The following NELL1 variants were observed in gnomAD, a reference collection of about 807,000 sequenced individuals.
The protein encoded by NELL1 is neural EGFL like 1, also known as protein kinase C-binding protein NELL1.
NELL1 carries 76 observed loss-of-function variants against 107.4 expected under a neutral mutation model. That is an observed-to-expected ratio of 0.71 (90% CI 0.59 to 0.86). NELL1 has a LOEUF of 0.86. NELL1 is among the 40% of genes least tolerant of loss of function. NELL1 has a pLI of 0.00. For synonymous variants in NELL1, 353 were observed against 341.2 expected (o/e 1.03, Z -0.38); for missense variants, 1,024 against 1,005.5 (o/e 1.02, Z -0.25).
intron 15 of NELL1, among the ~76,000 whole-genome samples, chr11:21,435,395 TTTG>T (rs999167767): frequency 5.0e-5 from 7 of 140,528 alleles, no homozygotes; most frequent in Middle Eastern, 3.3e-3. Context: ...TGTTTGTTTG[TTTG>T]TTTTTTACCA....
intron 15 of NELL1, among the ~76,000 whole-genome samples, chr11:21,466,513 C>T (rs1427021304): frequency 1.3e-5 from 2 of 152,134 alleles, no homozygotes; most frequent in African/African-American, 4.8e-5. Context: ...CAGGTATTTC[C>T]ATTGTGCTCA....
chr11:21,161,944 C>CTTTTTTTTTTTTTTTT (rs34422649), intron 13 of NELL1, among the ~76,000 whole-genome samples: 1 of 83,062 alleles, frequency 1.2e-5, no homozygotes, highest in African/African-American at 4.8e-5. Flanking sequence ...GGAACATAAT[C>CTTTTTTTTTTTTTTTT]TTTTTTTTTT....
chr11:21,224,312 G>T (rs965379830), intron 13 of NELL1, among the ~76,000 whole-genome samples: 20 of 151,912 alleles, frequency 1.3e-4, no homozygotes, highest in African/African-American at 4.6e-4. Context: ...GCATGAACAT[G>T]GTTCCCTGCA....
intron 12 of NELL1, among the ~76,000 whole-genome samples, chr11:21,103,212 C>A (rs1854864379): frequency 6.6e-6 from 1 of 152,094 alleles, no homozygotes; most frequent in Non-Finnish European, 1.5e-5. Flanking sequence ...TAATTTGATC[C>A]TGTAGTGAAT....
At chr11:21,391,592 A>G (rs1349827417) in intron 15 of NELL1, among the ~76,000 whole-genome samples, 5 of 151,428 alleles carry the variant, frequency 3.3e-5, no homozygotes, top group Admixed American at 6.6e-5. Flanking sequence ...TTTCATCAAC[A>G]TTATCTTCCA....
intron 13 of NELL1, among the ~76,000 whole-genome samples, chr11:21,160,671 T>C (rs559426545): frequency 1.3e-5 from 2 of 152,210 alleles, no homozygotes; most frequent in Non-Finnish European, 2.9e-5. Context: ...AAATAATTTA[T>C]TTTTGAATAT....
chr11:21,370,808 C>T (rs760812100), intron 14 of NELL1, 45 bp from the exon 15 acceptor site: 19 of 1,473,176 alleles, frequency 1.3e-5, no homozygotes, highest in Non-Finnish European at 1.8e-5. Context: ...GTGAATTTAT[C>T]TATTGCATTT....
At chr11:21,396,448 A>C (rs80229152) in intron 15 of NELL1, among the ~76,000 whole-genome samples, 5,391 of 151,738 alleles carry the variant, frequency 0.036, 309 homozygotes, top group African/African-American at 0.12. Context: ...GCAAGACAGA[A>C]GATTGATAAA....
chr11:21,339,920 A>G (rs1403040625), intron 14 of NELL1, among the ~76,000 whole-genome samples: 5 of 152,190 alleles, frequency 3.3e-5, no homozygotes, highest in African/African-American at 7.2e-5. Context: ...GTTGCAGGGC[A>G]GTAAATGCTC....
chr11:20,748,907 GCCAC>G (rs1856067293), intron 2 of NELL1, among the ~76,000 whole-genome samples: 2 of 44,892 alleles, frequency 4.5e-5, no homozygotes, highest in East Asian at 6.1e-4. Flanking sequence ...CATCCACCCA[GCCAC>G]CCATCCATCC....
chr11:21,476,791 A>G (rs7932253), intron 15 of NELL1, among the ~76,000 whole-genome samples: 128,800 of 152,072 alleles, frequency 0.85, 54,748 homozygotes, highest in East Asian at 0.98. Context: ...GAATGTACTT[A>G]GGGAAGGGAG....
At chr11:21,532,558 T>C (rs1856015887) in intron 15 of NELL1, among the ~76,000 whole-genome samples, 1 of 152,192 alleles carries the variant, frequency 6.6e-6, no homozygotes, top group South Asian at 2.1e-4. Context: ...ATGCTTCTAT[T>C]TGTGTATCTC....
intron 12 of NELL1, among the ~76,000 whole-genome samples, chr11:21,033,085 T>G (rs2134319909): frequency 2.0e-5 from 3 of 152,334 alleles, no homozygotes; most frequent in Admixed American, 2.0e-4. Flanking sequence ...TCTGCTAATG[T>G]GGACCTTGAT....
At chr11:21,317,202 A>G (rs190046413) in intron 14 of NELL1, among the ~76,000 whole-genome samples, 215 of 152,084 alleles carry the variant, frequency 1.4e-3, no homozygotes, top group African/African-American at 4.9e-3. Flanking sequence ...CTTCGTAAAC[A>G]TAATTGTAGT....
chr11:20,831,704 A>C (rs1361785169), intron 3 of NELL1, among the ~76,000 whole-genome samples: 1 of 152,138 alleles, frequency 6.6e-6, no homozygotes. Flanking sequence ...TAGGTGTTTC[A>C]AGTTTGCCCA....
chr11:20,831,870 A>G (rs1489178043), intron 3 of NELL1, among the ~76,000 whole-genome samples: 5 of 152,250 alleles, frequency 3.3e-5, no homozygotes, highest in African/African-American at 4.8e-5. Context: ...ATTTGGTTTC[A>G]GATAGAGCTG....
chr11:21,461,007 G>GTCAT (rs1853887845), intron 15 of NELL1, among the ~76,000 whole-genome samples: 1 of 152,032 alleles, frequency 6.6e-6, no homozygotes, highest in African/African-American at 2.4e-5. Flanking sequence ...ATTTACTAGA[G>GTCAT]TCATTGGTAA....
intron 14 of NELL1, among the ~76,000 whole-genome samples, chr11:21,271,481 A>G (rs114978253): frequency 0.016 from 2,447 of 152,290 alleles, 80 homozygotes; most frequent in African/African-American, 0.056. Context: ...TGAACCAATA[A>G]TTAATAACAG....
chr11:20,976,030 A>G (rs1256188658), intron 12 of NELL1, among the ~76,000 whole-genome samples: 1 of 145,384 alleles, frequency 6.9e-6, no homozygotes, highest in African/African-American at 2.5e-5. Context: ...ACATATATGT[A>G]TTATATACAT....
Sources: gnomAD v4.1 joint callset for allele counts (sites outside exome capture counted in the v4.1 genomes callset) on GRCh38, gnomAD v4.1.1 for gene constraint, MANE v1.5 for transcripts, NCBI Gene and HGNC (gene_info 2026-07-23, HGNC 2026-07-21) for gene names.